NTM: variants seen among roughly 807,000 people sequenced by gnomAD.
The protein encoded by NTM is IgLON family member 2.
Under a neutral mutation model 42.1 loss-of-function variants are expected in NTM, and 13 were observed. The observed-to-expected ratio is 0.31, with a 90% confidence interval of 0.20 to 0.49. The LOEUF (loss-of-function observed/expected upper bound fraction) is 0.49. Among genes scored for constraint, NTM ranks in the 20% least tolerant of loss-of-function variants. NTM has a pLI of 0.99. For synonymous variants in NTM, 187 were observed against 179.2 expected (o/e 1.04, Z -0.35); for missense variants, 373 against 452.8 (o/e 0.82, Z 1.60).
At chr11:131,580,452 G>T (rs566652939) in intron 1 of NTM, among the ~76,000 whole-genome samples, 1 of 152,282 alleles carries the variant, frequency 6.6e-6, no homozygotes, top group South Asian at 2.1e-4. Context: ...TATAGATCAT[G>T]CTAGAGACAC....
chr11:131,802,058 A>C (rs775221621), intron 1 of NTM, among the ~76,000 whole-genome samples: 2 of 152,204 alleles, frequency 1.3e-5, no homozygotes, highest in Non-Finnish European at 2.9e-5. Context: ...ATCCTAAAAA[A>C]ACTAATTCTG....
intron 2 of NTM, among the ~76,000 whole-genome samples, chr11:132,120,632 T>C (rs938877045): frequency 1.3e-5 from 2 of 152,210 alleles, no homozygotes; most frequent in Admixed American, 6.5e-5. Flanking sequence ...CTGGCTCCTT[T>C]CTTTCTTCAT....
chr11:131,911,388 C>G (rs989075509), intron 1 of NTM, 176 bp from the exon 2 acceptor site: 8 of 1,582,162 alleles, frequency 5.1e-6, no homozygotes, highest in South Asian at 2.3e-5. Context: ...GCTCAGTCCC[C>G]GCGCTCGCTC....
chr11:132,245,049 G>A lies in NTM; in HGVS notation c.526+32902G>A, dbSNP rs1467388965. ...TTCCAGTTGAATGTGCGTCCAATTCGCCGTGAAATGTTCTATCTGTCGTGA... is the reference window on the plus strand; with the variant it reads ...TTCCAGTTGAATGTGCGTCCAATTCACCGTGAAATGTTCTATCTGTCGTGA... On this transcript the variant is annotated intron_variant, in intron 4 of 8. Transcript: ENST00000683400. Among the ~76,000 whole-genome samples the A allele has an allele frequency of 2.6e-5, 4 of 152,254 alleles. No individual in the cohort carries two copies. The South Asian group carries it at 6.2e-4, about 24-fold the overall frequency.
chr11:131,395,688 G>C (rs935892713), intron 1 of NTM, among the ~76,000 whole-genome samples: 1 of 152,170 alleles, frequency 6.6e-6, no homozygotes, highest in Non-Finnish European at 1.5e-5. Flanking sequence ...CCTCTGTAAT[G>C]CTCCTTTTAG....
intron 1 of NTM, among the ~76,000 whole-genome samples, chr11:131,548,649 T>C (rs750532843): frequency 2.0e-4 from 31 of 152,208 alleles, no homozygotes; most frequent in Non-Finnish European, 3.7e-4. Context: ...AAAGACTGCC[T>C]GTGGGGAGGG....
Position 132,282,976 on chromosome 11 carries a change from CT to C in NTM, c.527-24688del, listed in dbSNP as rs142817071. On this transcript the variant is annotated intron_variant, in intron 4 of 8. Coordinates refer to ENST00000683400, the MANE Select transcript of NTM (RefSeq NM_001352005.2). Reference sequence around the variant, plus strand: ...AATGAAACGGGAAATTCCTTTATTCCTTTTTTTTTTTTTTTTTTTTTTTTTA... The same window carrying C: ...AATGAAACGGGAAATTCCTTTATTCCTTTTTTTTTTTTTTTTTTTTTTTTA... Among the ~76,000 whole-genome samples the C allele has an allele frequency of 9.4e-3, 1,024 of 108,900 alleles. 5 individuals carry two copies. The highest frequency in any genetic ancestry group is 0.029 in the African/African-American group (839 of 28,668). The allele number at this position is 108,900 out of a possible 152,430, so 71.4% of individuals were successfully genotyped here. A position where few individuals can be genotyped will look rare whatever the true frequency, so the allele number is the denominator to read the frequency against.
At position 131,873,624 on chromosome 11, in the gene NTM, C is replaced by CGT. The variant is rs1303182333; in HGVS notation, c.83-37940_83-37939insGT. Among the ~76,000 whole-genome samples, 21 of 112,108 alleles carry CGT rather than the reference C, an allele frequency of 1.9e-4. 2 individuals are homozygous for CGT. Among genetic ancestry groups the CGT allele is most frequent in the African/African-American group, 6.9e-4 (18 of 25,964 alleles). The allele number at this position is 112,108 out of a possible 152,430, so 73.5% of individuals were successfully genotyped here. A position where few individuals can be genotyped will look rare whatever the true frequency, so the allele number is the denominator to read the frequency against. On this transcript the variant is annotated intron_variant, in intron 1 of 8. Coordinates refer to ENST00000683400, the MANE Select transcript of NTM (RefSeq NM_001352005.2). Reference sequence around the variant, plus strand: ...CATATATATATACCGTATATATATACATATATATATACACATATATATATA... The same window carrying CGT: ...CATATATATATACCGTATATATATACGTATATATATATACACATATATATATA...
chr11:132,275,295 A>G (rs1469313350), intron 4 of NTM, among the ~76,000 whole-genome samples: 1 of 152,058 alleles, frequency 6.6e-6, no homozygotes, highest in Non-Finnish European at 1.5e-5. Context: ...TGAAGGGACT[A>G]TCTTTTTAAC....
chr11:132,288,419 A>G (rs1444782108), intron 4 of NTM, among the ~76,000 whole-genome samples: 1 of 152,198 alleles, frequency 6.6e-6, no homozygotes, highest in African/African-American at 2.4e-5. Context: ...ATGGTATACC[A>G]TACACTCTTA....
intron 1 of NTM, among the ~76,000 whole-genome samples, chr11:131,828,759 G>T (rs566104641): frequency 2.0e-5 from 3 of 152,116 alleles, no homozygotes; most frequent in Admixed American, 2.0e-4. Context: ...CAGCTTCTTT[G>T]TTCCCTCTTT....
intron 1 of NTM, among the ~76,000 whole-genome samples, chr11:131,646,533 A>G (rs1463339172): frequency 2.6e-5 from 4 of 152,190 alleles, no homozygotes; most frequent in Non-Finnish European, 5.9e-5. Flanking sequence ...GCCATGGTCT[A>G]TTTATATGCA....
intron 3 of NTM, among the ~76,000 whole-genome samples, chr11:132,180,260 G>A (rs2077370542): frequency 6.6e-6 from 1 of 152,136 alleles, no homozygotes; most frequent in African/African-American, 2.4e-5. Flanking sequence ...CCAATAGAGA[G>A]ATGTTGGAGA....
intron 3 of NTM, among the ~76,000 whole-genome samples, chr11:132,186,377 C>T (rs1050962283): frequency 6.6e-6 from 1 of 152,200 alleles, no homozygotes; most frequent in African/African-American, 2.4e-5. Context: ...TTGCCTCTTT[C>T]CAGCAGCCCA....
At chr11:131,670,770 C>T (rs552362782) in intron 1 of NTM, among the ~76,000 whole-genome samples, 6 of 152,280 alleles carry the variant, frequency 3.9e-5, no homozygotes, top group Admixed American at 1.3e-4. Flanking sequence ...GTCCGAGAGG[C>T]GTAGCCCTTC....
chr11:132,332,588 AC>A (rs1297873700), intron 8 of NTM: 1 of 152,278 alleles, frequency 6.6e-6, no homozygotes, highest in African/African-American at 2.4e-5. Context: ...GAGCAGATCC[AC>A]AAAAGAACTC....
chr11:131,528,887 T>C (rs1246931127), intron 1 of NTM, among the ~76,000 whole-genome samples: 1 of 152,220 alleles, frequency 6.6e-6, no homozygotes, highest in East Asian at 1.9e-4. Flanking sequence ...TGATTTCATC[T>C]TTTGTTGGTT....
At chr11:131,904,337 T>A (rs1030864130) in intron 1 of NTM, among the ~76,000 whole-genome samples, 1 of 152,008 alleles carries the variant, frequency 6.6e-6, no homozygotes, top group Non-Finnish European at 1.5e-5. Context: ...AACTCCAAAT[T>A]TGTACTTGAT....
chr11:131,727,070 C>A (rs1415026314), intron 1 of NTM, among the ~76,000 whole-genome samples: 1 of 151,330 alleles, frequency 6.6e-6, no homozygotes, highest in Non-Finnish European at 1.5e-5. Flanking sequence ...CCAAGTGGAG[C>A]AGCTCCTCTC....
Sources: allele counts gnomAD v4.1 joint callset (sites outside exome capture counted in the v4.1 genomes callset), GRCh38; gene constraint gnomAD v4.1.1; transcripts MANE v1.5; gene names NCBI Gene and HGNC (gene_info 2026-07-23, HGNC 2026-07-21).